Variants in NLGN4Y observed in about 807,000 individuals in gnomAD.
The protein encoded by NLGN4Y is neuroligin-4, Y-linked.
A neutral mutation model predicts 8.4 loss-of-function variants in NLGN4Y; 4 were observed. The observed-to-expected ratio is 0.48, with a 90% confidence interval of 0.23 to 1.09. The LOEUF is 1.09. NLGN4Y is among the 50% of genes least tolerant of loss of function. NLGN4Y has a pLI of 0.19. For synonymous variants in NLGN4Y, 35 were observed against 75.6 expected (o/e 0.46, Z 2.78); for missense variants, 90 against 192.3 (o/e 0.47, Z 3.15).
intron 4 of NLGN4Y, among the ~76,000 whole-genome samples, chrY:14,746,848 C>G: frequency 6.3e-5 from 2 of 31,912 alleles, no homozygotes; most frequent in Non-Finnish European, 7.6e-5. Flanking sequence ...ATTTTTCTTT[C>G]CAAGGGATGT....
intron 1 of NLGN4Y, among the ~76,000 whole-genome samples, chrY:14,525,956 C>T: frequency 6.0e-5 from 2 of 33,580 alleles, no homozygotes; most frequent in African/African-American, 2.3e-4. Flanking sequence ...GGTCGTTCTG[C>T]GGGCAACATA....
chrY:14,782,599 C>G, intron 4 of NLGN4Y, among the ~76,000 whole-genome samples: 3 of 33,544 alleles, frequency 8.9e-5, no homozygotes, highest in African/African-American at 3.5e-4. Flanking sequence ...TTGAGAACTC[C>G]TATCCCTTAG....
chrY:14,703,053 G>A (rs1603502921), intron 2 of NLGN4Y, among the ~76,000 whole-genome samples: 5 of 32,746 alleles, frequency 1.5e-4, no homozygotes, highest in East Asian at 8.0e-4. Flanking sequence ...TTGTAGATTC[G>A]GATATCAGCC....
chrY:14,707,154 C>CGT (rs2080884817), intron 2 of NLGN4Y, among the ~76,000 whole-genome samples: 5 of 6,853 alleles, frequency 7.3e-4, no homozygotes, highest in African/African-American at 2.8e-3. Flanking sequence ...TCTATATATG[C>CGT]GTGTGTGTGT....
intron 4 of NLGN4Y, among the ~76,000 whole-genome samples, chrY:14,792,851 A>AGAGTGTGT (rs2042991366): frequency 2.2e-4 from 2 of 9,103 alleles, no homozygotes; most frequent in African/African-American, 1.1e-3. Context: ...AGAGAGAGAG[A>AGAGTGTGT]GTGTGTGTGT....
intron 4 of NLGN4Y, among the ~76,000 whole-genome samples, chrY:14,823,822 G>C: frequency 3.1e-5 from 1 of 32,559 alleles, no homozygotes; most frequent in Non-Finnish European, 7.5e-5. Flanking sequence ...AAGATGACAT[G>C]GTATCATAAG....
chrY:14,726,666 C>A (rs2080956193), intron 4 of NLGN4Y, among the ~76,000 whole-genome samples: 1 of 33,686 alleles, frequency 3.0e-5, no homozygotes, highest in South Asian at 6.5e-4. Context: ...GTTAATAGTG[C>A]TTGCCTTTTA....
intron 1 of NLGN4Y, among the ~76,000 whole-genome samples, chrY:14,594,771 T>C: frequency 3.0e-5 from 1 of 33,054 alleles, no homozygotes; most frequent in African/African-American, 1.2e-4. Context: ...CCCTGGGTTA[T>C]GGTAGATATC....
At chrY:14,809,084 A>G in intron 4 of NLGN4Y, among the ~76,000 whole-genome samples, 1 of 34,151 alleles carries the variant, frequency 2.9e-5, no homozygotes, top group Non-Finnish European at 7.3e-5. Flanking sequence ...TGAACAAAAT[A>G]TAAACAGTTA....
intron 4 of NLGN4Y, among the ~76,000 whole-genome samples, chrY:14,734,307 C>A (rs2080984824): frequency 3.0e-5 from 1 of 33,206 alleles, no homozygotes; most frequent in South Asian, 6.9e-4. Context: ...TTATGGGCAC[C>A]AAATGAGGGG....
At chrY:14,625,674 G>T in intron 2 of NLGN4Y, among the ~76,000 whole-genome samples, 1 of 33,150 alleles carries the variant, frequency 3.0e-5, no homozygotes, top group African/African-American at 1.2e-4. Context: ...ACTGATGAAA[G>T]TCAAGCTGAG....
chrY:14,757,953 T>A, intron 4 of NLGN4Y, among the ~76,000 whole-genome samples: 1 of 34,564 alleles, frequency 2.9e-5, no homozygotes. Context: ...GTATACGATA[T>A]CCTTTTTAAC....
intron 2 of NLGN4Y, among the ~76,000 whole-genome samples, chrY:14,706,797 A>AAT (rs2080880091): frequency 1.2e-3 from 24 of 19,453 alleles, no homozygotes; most frequent in Admixed American, 2.2e-3. Flanking sequence ...TTTAAAAAAA[A>AAT]ATATATATAT....
At chrY:14,607,797 G>A (rs929039900) in intron 1 of NLGN4Y, among the ~76,000 whole-genome samples, 1 of 34,070 alleles carries the variant, frequency 2.9e-5, no homozygotes, top group African/African-American at 1.1e-4. Context: ...GAGGAATCGC[G>A]ACACTGTCTT....
intron 4 of NLGN4Y, among the ~76,000 whole-genome samples, chrY:14,753,135 T>TTTTAC (rs2081046197): frequency 3.1e-5 from 1 of 32,021 alleles, no homozygotes; most frequent in African/African-American, 1.2e-4. Context: ...TTCTTTTCTA[T>TTTTAC]TTTATTTTAT....
chrY:14,566,791 T>G lies in NLGN4Y; in HGVS notation c.-112+42083T>G. Among the ~76,000 whole-genome samples the G allele has an allele frequency of 1.3e-4, 4 of 31,931 alleles. No homozygotes were observed. The Middle Eastern group carries it at 0.06, about 477-fold the overall frequency. 85.7% of individuals were successfully genotyped at this position (31,931 alleles called of 37,273 possible). A position where few individuals can be genotyped will look rare whatever the true frequency, so the allele number is the denominator to read the frequency against. ...TGCAAGTAAAACACTCCTTAGCAAA[T>G]GCTCTCCATCCCAAATCAACAGAAT... On this transcript the variant is annotated intron_variant, in intron 1 of 6. Coordinates refer to ENST00000684976, the MANE Select transcript of NLGN4Y (RefSeq NM_001365588.1).
At chrY:14,778,391 C>T (rs950821523) in intron 4 of NLGN4Y, among the ~76,000 whole-genome samples, 1 of 33,781 alleles carries the variant, frequency 3.0e-5, no homozygotes, top group Non-Finnish European at 7.3e-5. Flanking sequence ...AAATTAACAG[C>T]CCATAAAAGA....
intron 2 of NLGN4Y, among the ~76,000 whole-genome samples, chrY:14,658,020 C>T: frequency 3.0e-5 from 1 of 33,021 alleles, no homozygotes; most frequent in African/African-American, 1.2e-4. Flanking sequence ...TACTTTAGAT[C>T]CAAGTGTTAA....
At chrY:14,660,692 C>T in intron 2 of NLGN4Y, among the ~76,000 whole-genome samples, 1 of 31,339 alleles carries the variant, frequency 3.2e-5, no homozygotes, top group Non-Finnish European at 7.6e-5. Context: ...TGCATGTGTG[C>T]GGTCAGTCAT....
Sources: allele counts gnomAD v4.1 joint callset (sites outside exome capture counted in the v4.1 genomes callset), GRCh38; gene constraint gnomAD v4.1.1; transcripts MANE v1.5; gene names NCBI Gene and HGNC (gene_info 2026-07-23, HGNC 2026-07-21).